The following LHX8 variants were observed in gnomAD, a reference collection of about 807,000 sequenced individuals.
The protein encoded by LHX8 is LIM/homeobox protein Lhx8.
Under a neutral mutation model 40.3 loss-of-function variants are expected in LHX8, and 12 were observed. The ratio of observed to expected loss-of-function variants is 0.30; its 90% CI spans 0.19 to 0.48. LHX8 has a LOEUF of 0.48. LHX8 is among the 20% of genes least tolerant of loss of function. LHX8 has a pLI of 0.99. For synonymous variants in LHX8, 179 were observed against 162.0 expected (o/e 1.10, Z -0.80); for missense variants, 344 against 433.7 (o/e 0.79, Z 1.84).
chr1:75,195,990 C>T, the LHX8 span, among the ~76,000 whole-genome samples: 2 of 152,264 alleles, frequency 1.3e-5, no homozygotes, highest in South Asian at 4.2e-4. Flanking sequence ...AGAGTCTGTG[C>T]CTTCATGGGA....
intron 7 of LHX8, among the ~76,000 whole-genome samples, chr1:75,155,294 G>T (rs1421372139): frequency 6.9e-6 from 1 of 144,148 alleles, no homozygotes; most frequent in African/African-American, 2.5e-5. Flanking sequence ...GAGTGCAGTG[G>T]CATGATCTTG....
At chr1:75,157,829 G>GT (rs1292786165) in intron 8 of LHX8, among the ~76,000 whole-genome samples, 2 of 152,118 alleles carry the variant, frequency 1.3e-5, no homozygotes, top group Non-Finnish European at 2.9e-5. Flanking sequence ...AGATATTTGT[G>GT]TTTTTTCCAG....
In LHX8 at chr1:75,136,705, C is replaced by A; in HGVS notation, c.75+16C>A. On this transcript the variant is annotated intron_variant, in intron 2 of 8. Coordinates refer to ENST00000356261, the MANE Select transcript of LHX8 (RefSeq NM_001256114.2). ...AGAGGGACTGGTGAGTGCGGAGGGG[C>A]TCGCGTGCTGGCAAGACTGGCCGTG... 6.5e-7 allele frequency: 1 copy of A among 1,538,322 alleles called. No homozygotes were observed. Among genetic ancestry groups the A allele is most frequent in the Non-Finnish European group, 8.7e-7 (1 of 1,143,980 alleles).
Position 75,160,808 on chromosome 1 carries a change from C to G in LHX8, c.965-11C>G. On this transcript the variant is annotated splice_polypyrimidine_tract_variant and intron_variant, in intron 8 of 8. Transcript: ENST00000356261. ...ACAAAACTGATCCACAAATTTCTTTCTATTTTGTAGCTCATTCACCAACAA... is the reference window on the plus strand; with the variant it reads ...ACAAAACTGATCCACAAATTTCTTTGTATTTTGTAGCTCATTCACCAACAA... 6.3e-7 allele frequency: 1 copy of G among 1,597,480 alleles called. No homozygotes were observed. The highest frequency in any genetic ancestry group is 8.6e-7 in the Non-Finnish European group (1 of 1,164,944).
At chr1:75,143,614 G>A (rs909066054) in intron 5 of LHX8, among the ~76,000 whole-genome samples, 1 of 152,096 alleles carries the variant, frequency 6.6e-6, no homozygotes, top group Non-Finnish European at 1.5e-5. Flanking sequence ...TATTTGCTGG[G>A]CCTTAGATGT....
chr1:75,194,874 G>C, the LHX8 span, among the ~76,000 whole-genome samples: 2 of 152,112 alleles, frequency 1.3e-5, no homozygotes, highest in African/African-American at 4.8e-5. Flanking sequence ...CTAAATATGT[G>C]ATTCCCAAAC....
intron 7 of LHX8, among the ~76,000 whole-genome samples, chr1:75,152,692 A>G (rs1055479123): frequency 6.6e-6 from 1 of 152,224 alleles, no homozygotes; most frequent in African/African-American, 2.4e-5. Context: ...GGGCCTTTAT[A>G]CAAACATGAA....
At chr1:75,176,225 T>A in the LHX8 span, among the ~76,000 whole-genome samples, 1 of 152,228 alleles carries the variant, frequency 6.6e-6, no homozygotes, top group Non-Finnish European at 1.5e-5. Flanking sequence ...TTTCTAGTTC[T>A]AGACCCTTGA....
chr1:75,195,974 G>T, the LHX8 span, among the ~76,000 whole-genome samples: 1 of 152,118 alleles, frequency 6.6e-6, no homozygotes, highest in African/African-American at 2.4e-5. Flanking sequence ...AGAGAGCAAG[G>T]CAGATAGAGT....
At position 75,155,785 on chromosome 1, in the gene LHX8, T is replaced by A. The variant is rs547515067; in HGVS notation, c.781-1108T>A. 8.5e-5 allele frequency among the ~76,000 whole-genome samples: 13 copies of A among 152,240 alleles called. No homozygotes were observed. The South Asian group carries it at 2.7e-3, about 32-fold the overall frequency. ...TTTAATTCTACTTAAATATTATGAGTTTTTTTCTTATTAAAGACCTGACCT... is the reference window on the plus strand; with the variant it reads ...TTTAATTCTACTTAAATATTATGAGATTTTTTCTTATTAAAGACCTGACCT... On this transcript the variant is annotated intron_variant, in intron 7 of 8. Coordinates refer to ENST00000356261, the MANE Select transcript of LHX8 (RefSeq NM_001256114.2).
chr1:75,142,077 T>C (rs760657825), intron 4 of LHX8, among the ~76,000 whole-genome samples: 2 of 152,174 alleles, frequency 1.3e-5, no homozygotes, highest in South Asian at 2.1e-4. Flanking sequence ...ATATTGGTAA[T>C]AATTTGCTTC....
At chr1:75,158,689 T>G (rs56275313) in intron 8 of LHX8, among the ~76,000 whole-genome samples, 17,916 of 152,174 alleles carry the variant, frequency 0.12, 1,322 homozygotes, top group Middle Eastern at 0.22. Context: ...TTTCTGTACC[T>G]TCTGTTCTAT....
At chr1:75,181,916 G>C in the LHX8 span, among the ~76,000 whole-genome samples, 1 of 151,954 alleles carries the variant, frequency 6.6e-6, no homozygotes, top group Non-Finnish European at 1.5e-5. Context: ...TGGGTGCATA[G>C]GTTACAAAAA....
the LHX8 span, among the ~76,000 whole-genome samples, chr1:75,170,428 C>G: frequency 6.6e-6 from 1 of 152,140 alleles, no homozygotes; most frequent in East Asian, 1.9e-4. Flanking sequence ...GCCAGCTTCC[C>G]TATAAACTAC....
the LHX8 span, among the ~76,000 whole-genome samples, chr1:75,173,617 C>G: frequency 6.6e-6 from 1 of 151,892 alleles, no homozygotes; most frequent in Non-Finnish European, 1.5e-5. Context: ...CTCGTGACCT[C>G]GTGATCTGCC....
At chr1:75,181,821 G>A in the LHX8 span, among the ~76,000 whole-genome samples, 2 of 152,058 alleles carry the variant, frequency 1.3e-5, no homozygotes, top group Non-Finnish European at 2.9e-5. Flanking sequence ...TTCCTGTTCG[G>A]CCATCTTGGA....
At chr1:75,129,069 A>C (rs1167929951) in intron 1 of LHX8, among the ~76,000 whole-genome samples, 1 of 152,236 alleles carries the variant, frequency 6.6e-6, no homozygotes, top group Non-Finnish European at 1.5e-5. Context: ...ATGTTCACTA[A>C]GAACCTCCTG....
At chr1:75,175,496 C>A in the LHX8 span, among the ~76,000 whole-genome samples, 8 of 152,106 alleles carry the variant, frequency 5.3e-5, no homozygotes, top group African/African-American at 1.7e-4. Context: ...TAATTATGAC[C>A]ATTTTTGCAG....
At chr1:75,180,087 G>A in the LHX8 span, among the ~76,000 whole-genome samples, 1 of 152,204 alleles carries the variant, frequency 6.6e-6, no homozygotes, top group South Asian at 2.1e-4. Context: ...TTCCCTTTGT[G>A]GGTAACCCGA....
Sources: allele counts gnomAD v4.1 joint callset (sites outside exome capture counted in the v4.1 genomes callset), GRCh38; gene constraint gnomAD v4.1.1; transcripts MANE v1.5; gene names NCBI Gene and HGNC (gene_info 2026-07-23, HGNC 2026-07-21).